CLEC2L: variants seen among roughly 807,000 people sequenced by gnomAD.
The protein encoded by CLEC2L is C-type lectin domain family 2 member L.
Under a neutral mutation model 23.6 loss-of-function variants are expected in CLEC2L, and 14 were observed. The observed-to-expected ratio is 0.59, with a 90% CI of 0.39 to 0.93. The LOEUF (loss-of-function observed/expected upper bound fraction) is 0.93, where lower values mean the gene tolerates loss of function less well. Ranked by LOEUF, CLEC2L falls within the 40% of genes least tolerant of loss-of-function variation. The pLI is 0.00. For synonymous variants in CLEC2L, 114 were observed against 121.3 expected, an observed-to-expected ratio of 0.94 and a Z score of 0.40; for missense variants, 264 against 282.4, an observed-to-expected ratio of 0.93 and a Z score of 0.47.
intron 2 of CLEC2L, among the ~76,000 whole-genome samples, chr7:139,538,458 C>CAAAAAAAAAAAACA (rs200895765): frequency 2.1e-5 from 3 of 142,090 alleles, no homozygotes; most frequent in African/African-American, 8.0e-5. Flanking sequence ...AAACAAAAAA[C>CAAAAAAAAAAAACA]AAAAAAAGGT....
rs1481943282 is a variant in CLEC2L, at chr7:139,524,092, C to T, written c.165C>T (p.Ser55=). ...GATCCGGGTCGGGCTACGAGGGCAGCACCAGCTGGAAGGCGGCCTTGGAGG... is the reference window on the plus strand; with the variant it reads ...GATCCGGGTCGGGCTACGAGGGCAGTACCAGCTGGAAGGCGGCCTTGGAGG... ...LRRSGSGYEG[S]TSWKAALEDT... is the part of the protein sequence containing the mutation. The change falls in exon 1 of 5, where the codon AGC becomes AGT. Residue 55 remains serine (S), a synonymous_variant. Coordinates refer to ENST00000422142, the MANE Select transcript of CLEC2L (RefSeq NM_001080511.4). 2 of 1,227,586 alleles carry T rather than the reference C, an allele frequency of 1.6e-6. No homozygotes were observed. The highest frequency in any genetic ancestry group is 2.0e-6 in the Non-Finnish European group (2 of 982,670). 76.0% of individuals were successfully genotyped at this position (1,227,586 alleles called of 1,614,324 possible). A position where few individuals can be genotyped will look rare whatever the true frequency, so the allele number is the denominator to read the frequency against.
rs112163739 is a variant in CLEC2L at position 139,532,978 on chromosome 7, C to G, written c.191-3296C>G. Among the ~76,000 whole-genome samples the G allele has an allele frequency of 7.9e-3, 1,207 of 152,182 alleles. 18 individuals are homozygous for G. Among genetic ancestry groups the G allele is most frequent in the African/African-American group, 0.026 (1,061 of 41,496 alleles). On this transcript the variant is annotated intron_variant, in intron 1 of 4. Transcript: ENST00000422142. Reference sequence around the variant, plus strand: ...CGTTTTGGTGTTGAAATAATGATACCCATACAGAAACTGAGCAAAGGGAAA... The same window carrying G: ...CGTTTTGGTGTTGAAATAATGATACGCATACAGAAACTGAGCAAAGGGAAA...
chr7:139,544,633 G>C lies in CLEC2L; in HGVS notation c.*291G>C. 1 of 359,406 alleles carries C rather than the reference G, an allele frequency of 2.8e-6. No individual in the cohort carries two copies. The allele number at this position is 359,406 out of a possible 1,614,324, so 22.3% of individuals were successfully genotyped here. A position where few individuals can be genotyped will look rare whatever the true frequency, so the allele number is the denominator to read the frequency against. On this transcript the variant is annotated 3_prime_UTR_variant, in exon 5 of 5. Transcript: ENST00000422142. ...TGCATAGGTACACGCACGCACAGAC[G>C]CTGTCCCTTCTGAAGCTCAGTGTCC...
Position 139,544,334 on chromosome 7 carries a change from T to A in CLEC2L, c.637T>A (p.Tyr213Asn), listed in dbSNP as rs2116332342. The A allele has an allele frequency of 6.2e-7, 1 of 1,610,106 alleles. No homozygotes were observed. The highest frequency in any genetic ancestry group is 1.7e-5 in the Admixed American group (1 of 59,682). The change falls in exon 5 of 5, where the codon TAT becomes AAT. Residue 213 changes from tyrosine to asparagine, a missense_variant. Physicochemically the swap from Tyr to Asn is moderately radical, Grantham distance 143. Coordinates refer to ENST00000422142, the MANE Select transcript of CLEC2L (RefSeq NM_001080511.4). Reference protein sequence around the residue: ...TRPWVCSKMAYT With the variant: ...TRPWVCSKMANT Reference sequence around the variant, plus strand: ...GCCCTGGGTGTGCAGCAAGATGGCCTATACTTGAGGTGGGTGGGGCCAGAG... The same window carrying A: ...GCCCTGGGTGTGCAGCAAGATGGCCAATACTTGAGGTGGGTGGGGCCAGAG...
chr7:139,530,430 G>A (rs750262536), intron 1 of CLEC2L, among the ~76,000 whole-genome samples: 30 of 152,226 alleles, frequency 2.0e-4, no homozygotes, highest in Middle Eastern at 3.4e-3. Flanking sequence ...AGGAGGACTG[G>A]TTGAAAATTT....
At chr7:139,534,211 G>A (rs1214755560) in intron 1 of CLEC2L, 7 of 813,474 alleles carry the variant, frequency 8.6e-6, no homozygotes, top group South Asian at 4.0e-5. Flanking sequence ...CGGTGGTGTC[G>A]GCAGCGGCTG....
At chr7:139,534,350 A>G in intron 1 of CLEC2L, 1 of 1,076,334 alleles carries the variant, frequency 9.3e-7, no homozygotes, top group Non-Finnish European at 1.4e-6. Context: ...AAAATGTATG[A>G]AGACATGTGA....
rs113479654 is a variant in CLEC2L, at chr7:139,539,039, C to A, written c.266-1282C>A. 2.6e-5 allele frequency: 4 copies of A among 152,232 alleles called. No homozygotes were observed. The highest frequency in any genetic ancestry group is 9.6e-5 in the African/African-American group (4 of 41,524). The allele number at this position is 152,232 out of a possible 1,614,324, so 9.4% of individuals were successfully genotyped here. ...AACAGATATATATGCCAGGGGGTGT[C>A]GATGAATGAATTGGTGTCTGTGTGG... On this transcript the variant is annotated intron_variant, in intron 2 of 4. Coordinates refer to ENST00000422142, the MANE Select transcript of CLEC2L (RefSeq NM_001080511.4). This position sits in a 1 kb window ranked among gnomAD's most constrained non-coding sequence, Gnocchi z 4.1.
rs1284518484 is a variant in CLEC2L, at chr7:139,539,523, C to T, written c.266-798C>T. ...TGGAAGCAGTCTGCAGACTGGAGAT[C>T]CCATGACGACTGGAAGACAGCATGG... On this transcript the variant is annotated intron_variant, in intron 2 of 4. Coordinates refer to ENST00000422142, the MANE Select transcript of CLEC2L (RefSeq NM_001080511.4). This position sits in a 1 kb window ranked among gnomAD's most constrained non-coding sequence, Gnocchi z 4.1. 6.6e-6 allele frequency: 1 copy of T among 152,214 alleles called. No homozygotes were observed. Among genetic ancestry groups the T allele is most frequent in the African/African-American group, 2.4e-5 (1 of 41,434 alleles). The allele number at this position is 152,214 out of a possible 1,614,324, so 9.4% of individuals were successfully genotyped here.
intron 2 of CLEC2L, among the ~76,000 whole-genome samples, chr7:139,537,351 G>A (rs1797674223): frequency 6.6e-6 from 1 of 152,134 alleles, no homozygotes; most frequent in African/African-American, 2.4e-5. Flanking sequence ...GTTCATGGGA[G>A]TTCACAGATA....
chr7:139,536,700 C>T (rs1296864205), intron 2 of CLEC2L, among the ~76,000 whole-genome samples: 4 of 151,870 alleles, frequency 2.6e-5, no homozygotes, highest in South Asian at 4.2e-4. Context: ...TTCGGCCGGG[C>T]GCAGTGGCTC....
rs1797775192 is a variant in CLEC2L, at chr7:139,544,171, A to G, written c.534-60A>G. ...CAGGGCCTCCATGGCCTCCCCTGCC[A>G]CTGGGTTTTGGGCTGAATGTTCCAG... On this transcript the variant is annotated intron_variant, in intron 4 of 4. Coordinates refer to ENST00000422142, the MANE Select transcript of CLEC2L (RefSeq NM_001080511.4). The G allele has an allele frequency of 1.3e-5, 17 of 1,313,674 alleles. No homozygotes were observed. The South Asian group carries it at 2.1e-4, about 17-fold the overall frequency. 81.4% of individuals were successfully genotyped at this position (1,313,674 alleles called of 1,614,324 possible).
intron 1 of CLEC2L, among the ~76,000 whole-genome samples, chr7:139,530,437 A>T (rs746593997): frequency 5.3e-5 from 8 of 152,062 alleles, no homozygotes; most frequent in Non-Finnish European, 8.8e-5. Flanking sequence ...CTGGTTGAAA[A>T]TTTCTTTAAG....
intron 1 of CLEC2L, among the ~76,000 whole-genome samples, chr7:139,535,243 C>A (rs1460598515): frequency 6.6e-6 from 1 of 152,162 alleles, no homozygotes; most frequent in Non-Finnish European, 1.5e-5. Context: ...CATGGATGAG[C>A]CTTGTAAACA....
rs960624742 is a variant in CLEC2L at position 139,534,179 on chromosome 7, C to T, written c.191-2095C>T. The T allele has an allele frequency of 1.3e-4, 97 of 730,624 alleles. 1 individual carries two copies. The Admixed American group carries it at 1.8e-3, about 14-fold the overall frequency. The allele number at this position is 730,624 out of a possible 1,614,324, so 45.3% of individuals were successfully genotyped here. On this transcript the variant is annotated intron_variant, in intron 1 of 4. Transcript: ENST00000422142. ...ACCAATGATGGAGTTAGTCTTTCCT[C>T]AGAAAGAACTACCGGTAGCAGCGGT...
intron 1 of CLEC2L, among the ~76,000 whole-genome samples, chr7:139,530,655 T>C (rs1238225431): frequency 6.6e-6 from 1 of 151,166 alleles, no homozygotes; most frequent in Admixed American, 6.6e-5. Context: ...TCTACTAAAA[T>C]TACAAAAATT....
intron 1 of CLEC2L, among the ~76,000 whole-genome samples, chr7:139,532,939 C>T (rs1797601068): frequency 6.6e-6 from 1 of 152,180 alleles, no homozygotes; most frequent in African/African-American, 2.4e-5. Flanking sequence ...GATATTGTCT[C>T]ATCATGAAAG....
At chr7:139,530,008 C>T (rs946633085) in intron 1 of CLEC2L, among the ~76,000 whole-genome samples, 3 of 145,876 alleles carry the variant, frequency 2.1e-5, no homozygotes, top group African/African-American at 7.8e-5. Context: ...GTGGATGTTG[C>T]AGTGAGCAAA....
At chr7:139,533,611 C>A (rs1346444057) in intron 1 of CLEC2L, among the ~76,000 whole-genome samples, 1 of 152,220 alleles carries the variant, frequency 6.6e-6, no homozygotes, top group Non-Finnish European at 1.5e-5. Flanking sequence ...CTGCCTCAGC[C>A]TCCCAAAGTG....
Sources: allele counts gnomAD v4.1 joint callset (sites outside exome capture counted in the v4.1 genomes callset), GRCh38; gene constraint gnomAD v4.1.1; non-coding constraint Gnocchi (gnomAD v3.1); transcripts MANE v1.5; gene names NCBI Gene and HGNC (gene_info 2026-07-23, HGNC 2026-07-21).